PCDHGA2: variants seen among roughly 807,000 people sequenced by gnomAD.
PCDHGA2 encodes protocadherin gamma-A2.
A neutral mutation model predicts 59.2 loss-of-function variants in PCDHGA2; 40 were observed. The ratio of observed to expected loss-of-function variants is 0.68; its 90% confidence interval spans 0.52 to 0.88. The LOEUF (loss-of-function observed/expected upper bound fraction) is 0.88. Among genes scored for constraint, PCDHGA2 ranks in the 40% least tolerant of loss-of-function variants. The probability of loss-of-function intolerance (pLI) is 0.00; values close to 1 mark genes in which losing one functional copy is unlikely to be tolerated. For synonymous variants in PCDHGA2, 560 were observed against 526.0 expected (o/e 1.06, Z -0.89); for missense variants, 1,226 against 1,204.0 (o/e 1.02, Z -0.27).
intron 1 of PCDHGA2, among the ~76,000 whole-genome samples, chr5:141,454,703 A>C (rs933041937): frequency 1.3e-5 from 2 of 150,198 alleles, no homozygotes; most frequent in African/African-American, 4.9e-5. Flanking sequence ...ACCATGCTCC[A>C]CCTGCTTATT....
intron 1 of PCDHGA2, chr5:141,408,899 A>G (rs1379621758): frequency 1.2e-6 from 2 of 1,613,316 alleles, no homozygotes; most frequent in Non-Finnish European, 8.5e-7. Context: ...AATTTCTGTC[A>G]AGGATACCAA....
In PCDHGA2 at chr5:141,339,679, C is replaced by T. The variant is rs780890737; in HGVS notation, c.708C>T (p.Asn236=). 1.9e-6 allele frequency: 3 copies of T among 1,614,156 alleles called. No homozygotes were observed. The highest frequency in any genetic ancestry group is 1.1e-5 in the South Asian group (1 of 91,086). ...TCTGCGTGAAGGTCCTGGATGCGAA[C>T]GACAATGCGCCTGTTTTTACACAGC... The part of the protein sequence containing the change: ...SRICVKVLDA[N]DNAPVFTQPE... Residue 236 remains asparagine, a synonymous_variant, in exon 1 of 4, where the codon AAC becomes AAT. Transcript: ENST00000394576.
At position 141,404,169 on chromosome 5, in the gene PCDHGA2, C is replaced by A; in HGVS notation, c.2424+62774C>A. On this transcript the variant is annotated intron_variant, in intron 1 of 3. Transcript: ENST00000394576. Reference sequence around the variant, plus strand: ...GAAGAAGATTATTACAGATTGTTGACGGCCCAAATTCTTGACCGAGAAAAA... The same window carrying A: ...GAAGAAGATTATTACAGATTGTTGAAGGCCCAAATTCTTGACCGAGAAAAA... 1 of 1,612,736 alleles carries A rather than the reference C, an allele frequency of 6.2e-7. No individual in the cohort carries two copies. The highest frequency in any genetic ancestry group is 8.5e-7 in the Non-Finnish European group (1 of 1,179,276).
chr5:141,399,421 A>G lies in PCDHGA2; in HGVS notation c.2424+58026A>G, dbSNP rs1444290267. On this transcript the variant is annotated intron_variant, in intron 1 of 3. Coordinates refer to ENST00000394576, the MANE Select transcript of PCDHGA2 (RefSeq NM_018915.4). ...GGGCAAGCCGCCCCTCTCCTCCAGCATAAGCGTCATCCTACATATCAGAGA... is the reference window on the plus strand; with the variant it reads ...GGGCAAGCCGCCCCTCTCCTCCAGCGTAAGCGTCATCCTACATATCAGAGA... 1.2e-6 allele frequency: 2 copies of G among 1,614,036 alleles called. No homozygotes were observed. Among genetic ancestry groups the G allele is most frequent in the Middle Eastern group, 1.6e-4 (1 of 6,062 alleles).
At chr5:141,372,060 A>T in intron 1 of PCDHGA2, 1 of 1,613,540 alleles carries the variant, frequency 6.2e-7, no homozygotes, top group East Asian at 2.2e-5. Flanking sequence ...GGACGACCGC[A>T]ACGACAATGC....
intron 1 of PCDHGA2, chr5:141,415,744 T>TTTG (rs2095926305): frequency 2.5e-6 from 1 of 404,416 alleles, no homozygotes; most frequent in South Asian, 6.6e-5. Context: ...ATTAAGGTTT[T>TTTG]TTTTTTTTTT....
At chr5:141,392,864 C>T (rs1328545217) in intron 1 of PCDHGA2, 2 of 1,612,536 alleles carry the variant, frequency 1.2e-6, no homozygotes, top group Non-Finnish European at 1.7e-6. Context: ...TCCTGCTGTG[C>T]GCGCTGCTGG....
chr5:141,439,289 T>C (rs1454088176), intron 1 of PCDHGA2, among the ~76,000 whole-genome samples: 1 of 151,850 alleles, frequency 6.6e-6, no homozygotes, highest in African/African-American at 2.4e-5. Flanking sequence ...CTGTGTTCCA[T>C]GGAAAAAGTA....
At chr5:141,375,610 C>T (rs748991083) in intron 1 of PCDHGA2, 1 of 1,614,224 alleles carries the variant, frequency 6.2e-7, no homozygotes, top group South Asian at 1.1e-5. Flanking sequence ...CCATCAACTC[C>T]GACACTGGGA....
chr5:141,405,437 T>A, intron 1 of PCDHGA2: 1 of 1,433,230 alleles, frequency 7.0e-7, no homozygotes, highest in Non-Finnish European at 9.6e-7. Context: ...GTTTTGTTTT[T>A]GAGACAGAGT....
At chr5:141,418,347 G>A in intron 1 of PCDHGA2, 1 of 1,614,024 alleles carries the variant, frequency 6.2e-7, no homozygotes, top group Non-Finnish European at 8.5e-7. Flanking sequence ...CCTGATATTA[G>A]TATGAATTCG....
In PCDHGA2 at chr5:141,365,440, C is replaced by A. The variant is rs1454096579; in HGVS notation, c.2424+24045C>A. On this transcript the variant is annotated intron_variant, in intron 1 of 3. Transcript: ENST00000394576. Reference sequence around the variant, plus strand: ...CCGGAACTGTAATCGCGCTGTTTAGCGTACATGATGGTGATTCTGGAGAAA... The same window carrying A: ...CCGGAACTGTAATCGCGCTGTTTAGAGTACATGATGGTGATTCTGGAGAAA... 5.0e-6 allele frequency: 8 copies of A among 1,613,836 alleles called. No homozygotes were observed. The Admixed American group carries it at 6.7e-5, about 13-fold the overall frequency.
chr5:141,365,948 C>T, intron 1 of PCDHGA2: 1 of 1,614,186 alleles, frequency 6.2e-7, no homozygotes, highest in Non-Finnish European at 8.5e-7. Context: ...CAGTGGGAAC[C>T]CTCCACTTAG....
chr5:141,437,765 G>C (rs1561886251), intron 1 of PCDHGA2, among the ~76,000 whole-genome samples: 1 of 148,074 alleles, frequency 6.8e-6, no homozygotes, highest in African/African-American at 2.5e-5. Flanking sequence ...TTGAGACAGA[G>C]TCTCAATCTG....
intron 1 of PCDHGA2, among the ~76,000 whole-genome samples, chr5:141,483,361 A>C (rs752805137): frequency 4.6e-5 from 7 of 152,102 alleles, no homozygotes; most frequent in Non-Finnish European, 7.4e-5. Flanking sequence ...TTTGAAAGCT[A>C]TTGCAATATT....
intron 1 of PCDHGA2, chr5:141,385,452 G>A: frequency 6.9e-7 from 1 of 1,446,532 alleles, no homozygotes; most frequent in Non-Finnish European, 9.1e-7. Context: ...GAGTTTACCA[G>A]TTTCCTTCAG....
At position 141,487,385 on chromosome 5, in the gene PCDHGA2, CGAA is replaced by C; in HGVS notation, c.2425-7420_2425-7418del. 6.2e-7 allele frequency: 1 copy of C among 1,614,160 alleles called. No individual in the cohort carries two copies. The highest frequency in any genetic ancestry group is 8.5e-7 in the Non-Finnish European group (1 of 1,180,046). On this transcript the variant is annotated intron_variant, in intron 1 of 3. Coordinates refer to ENST00000394576, the MANE Select transcript of PCDHGA2 (RefSeq NM_018915.4). The surrounding 1 kb of genome is among the most constrained non-coding windows in gnomAD (Gnocchi z 5.0). ...CACCTGTGCCTGTCTCACCAGATCTCGAAGGAGGGAGGGGCTTCCCCCTTCCAA... is the reference window on the plus strand; with the variant it reads ...CACCTGTGCCTGTCTCACCAGATCTCGGAGGGAGGGGCTTCCCCCTTCCAA...
In PCDHGA2 at chr5:141,485,027, G is replaced by A. The variant is rs1594439784; in HGVS notation, c.2425-9780G>A. ...AATCTACCCCGCCACCAGCAAAAAC[G>A]GCGCGTAACCCTTGCGGCGCCGGCC... is the stretch of plus-strand genomic sequence containing the variant. On this transcript the variant is annotated intron_variant, in intron 1 of 3. Coordinates refer to ENST00000394576, the MANE Select transcript of PCDHGA2 (RefSeq NM_018915.4). The surrounding 1 kb of genome is among the most constrained non-coding windows in gnomAD (Gnocchi z 5.7). 1.5e-6 allele frequency: 1 copy of A among 662,546 alleles called. No individual in the cohort carries two copies. Among genetic ancestry groups the A allele is most frequent in the South Asian group, 1.9e-5 (1 of 53,596 alleles). The allele number at this position is 662,546 out of a possible 1,614,324, so 41.0% of individuals were successfully genotyped here.
chr5:141,419,613 G>T (rs369914837), intron 1 of PCDHGA2: 144 of 1,612,020 alleles, frequency 8.9e-5, no homozygotes, highest in Admixed American at 1.5e-4. Context: ...GCGCAGCCAG[G>T]CTACCTGGTG....
Sources: allele counts gnomAD v4.1 joint callset (sites outside exome capture counted in the v4.1 genomes callset), GRCh38; gene constraint gnomAD v4.1.1; non-coding constraint Gnocchi (gnomAD v3.1); transcripts MANE v1.5; gene names NCBI Gene and HGNC (gene_info 2026-07-23, HGNC 2026-07-21).